ALK: variants seen among roughly 807,000 people sequenced by gnomAD.
ALK encodes ALK tyrosine kinase receptor.
ALK carries 74 observed loss-of-function variants against 163.1 expected under a neutral mutation model. The observed-to-expected ratio is 0.45, with a 90% CI of 0.38 to 0.55. The LOEUF is 0.55. Ranked by LOEUF, ALK falls within the 20% of genes least tolerant of loss-of-function variation. ALK has a pLI of 0.00. For synonymous variants in ALK, 960 were observed against 843.2 expected (o/e 1.14, Z -2.40); for missense variants, 2,063 against 2,105.3 (o/e 0.98, Z 0.39).
intron 5 of ALK, among the ~76,000 whole-genome samples, chr2:29,367,037 C>A (rs1668524944): frequency 6.6e-6 from 1 of 151,800 alleles, no homozygotes; most frequent in Admixed American, 6.6e-5. Flanking sequence ...CTGGGCTGAG[C>A]TTGGGCCGTC....
Position 29,677,722 on chromosome 2 carries a change from G to C in ALK, c.952+17128C>G, listed in dbSNP as rs1248396571. ...AATTTTTGCACCCATCTTTTATGAG[G>C]GATATCGATCAGGGGTTTTCTTTCC... is the stretch of plus-strand genomic sequence containing the variant. On this transcript the variant is annotated intron_variant, in intron 3 of 28. Transcript: ENST00000389048. 2.0e-5 allele frequency among the ~76,000 whole-genome samples: 3 copies of C among 151,974 alleles called. No individual in the cohort carries two copies. The East Asian group carries it at 5.8e-4, about 29-fold the overall frequency.
intron 3 of ALK, among the ~76,000 whole-genome samples, chr2:29,550,081 A>T (rs1029047655): frequency 3.0e-4 from 46 of 152,310 alleles, no homozygotes; most frequent in African/African-American, 1.1e-3. Flanking sequence ...TGCTGTTCTT[A>T]TCTTTAACAA....
chr2:29,521,650 AAGG>A (rs1672815099), intron 4 of ALK, among the ~76,000 whole-genome samples: 1 of 152,210 alleles, frequency 6.6e-6, no homozygotes. Flanking sequence ...AATGAGAAAG[AAGG>A]AGGTTTGCTT....
intron 1 of ALK, among the ~76,000 whole-genome samples, chr2:29,869,293 C>A (rs938821587): frequency 6.6e-6 from 1 of 152,162 alleles, no homozygotes; most frequent in Non-Finnish European, 1.5e-5. Flanking sequence ...TAAAATTTAC[C>A]TTGATTTGCA....
At chr2:29,594,903 G>A (rs1375012736) in intron 3 of ALK, among the ~76,000 whole-genome samples, 1 of 101,472 alleles carries the variant, frequency 9.9e-6, no homozygotes, top group East Asian at 3.5e-4. Context: ...ATGGGGGGTG[G>A]GGGGCGGGGG....
At chr2:29,306,977 A>C (rs1285131278) in intron 8 of ALK, among the ~76,000 whole-genome samples, 1 of 152,214 alleles carries the variant, frequency 6.6e-6, no homozygotes, top group Non-Finnish European at 1.5e-5. Flanking sequence ...AGACTTTCCA[A>C]TTATGTGGTA....
intron 3 of ALK, among the ~76,000 whole-genome samples, chr2:29,693,682 C>T (rs2541169): frequency 0.64 from 96,723 of 152,106 alleles, 35,038 homozygotes; most frequent in Non-Finnish European, 0.8. Flanking sequence ...AAGACCTGAC[C>T]TGTTAGGCTC....
chr2:29,732,286 A>T (rs1320082449), intron 1 of ALK, among the ~76,000 whole-genome samples: 1 of 152,198 alleles, frequency 6.6e-6, no homozygotes, highest in Non-Finnish European at 1.5e-5. Context: ...TGCCACTACC[A>T]AGCAACTGCT....
chr2:29,762,778 T>C (rs1680744717), intron 1 of ALK, among the ~76,000 whole-genome samples: 1 of 152,172 alleles, frequency 6.6e-6, no homozygotes, highest in Non-Finnish European at 1.5e-5. Context: ...CAAGCATCTA[T>C]GGCAGGGCCT....
chr2:29,809,204 T>C (rs1288703166), intron 1 of ALK, among the ~76,000 whole-genome samples: 1 of 152,236 alleles, frequency 6.6e-6, no homozygotes, highest in Non-Finnish European at 1.5e-5. Flanking sequence ...CACAAGTACA[T>C]TTCCATTTTA....
At chr2:29,423,811 C>T (rs1573341474) in intron 4 of ALK, among the ~76,000 whole-genome samples, 1 of 152,200 alleles carries the variant, frequency 6.6e-6, no homozygotes, top group South Asian at 2.1e-4. Flanking sequence ...AACACATTCT[C>T]ATATGTTTGC....
In ALK at chr2:29,624,705, T is replaced by C. The variant is rs1017737116; in HGVS notation, c.952+70145A>G. The stretch of plus-strand genomic sequence containing the variant: ...AACCACCATGGCACACATTTACCTA[T>C]GTAATAAACCTGCACGTACTGCGCA... On this transcript the variant is annotated intron_variant, in intron 3 of 28. Coordinates refer to ENST00000389048, the MANE Select transcript of ALK (RefSeq NM_004304.5). Among the ~76,000 whole-genome samples, 7 of 152,198 alleles carry C rather than the reference T, an allele frequency of 4.6e-5. No individual in the cohort carries two copies. In the South Asian group the frequency reaches 1.0e-3, roughly 23 times the overall value.
chr2:29,754,074 C>A (rs1360550140), intron 1 of ALK, among the ~76,000 whole-genome samples: 4 of 152,068 alleles, frequency 2.6e-5, no homozygotes, highest in African/African-American at 9.7e-5. Flanking sequence ...ATTGGCTGGC[C>A]CCAAGCCACA....
intron 4 of ALK, among the ~76,000 whole-genome samples, chr2:29,479,128 G>A (rs753518896): frequency 2.0e-5 from 3 of 152,148 alleles, no homozygotes; most frequent in Non-Finnish European, 2.9e-5. Context: ...GTTAGAGAGA[G>A]CTCTAGAGCC....
intron 1 of ALK, among the ~76,000 whole-genome samples, chr2:29,727,124 G>A (rs531339905): frequency 6.6e-6 from 1 of 152,316 alleles, no homozygotes; most frequent in African/African-American, 2.4e-5. Context: ...CTTCCATCAG[G>A]GCAGCTGGCT....
At chr2:29,354,767 C>CTT (rs763001304) in intron 5 of ALK, among the ~76,000 whole-genome samples, 8,817 of 138,376 alleles carry the variant, frequency 0.064, 432 homozygotes, top group Non-Finnish European at 0.11. Context: ...TTTTCTTTTT[C>CTT]TTTTTTTTTT....
chr2:29,752,348 CTTTTTTTTTTT>C (rs34424748), intron 1 of ALK, among the ~76,000 whole-genome samples: 2 of 120,984 alleles, frequency 1.7e-5, no homozygotes, highest in Admixed American at 8.1e-5. Flanking sequence ...ATTTTCTTTT[CTTTTTTTTTTT>C]TTTTTTTTGA....
intron 1 of ALK, among the ~76,000 whole-genome samples, chr2:29,879,836 T>C (rs185551038): frequency 2.0e-5 from 3 of 152,240 alleles, no homozygotes; most frequent in Non-Finnish European, 4.4e-5. Context: ...GTAGGTTTCC[T>C]GTAAATCTGA....
chr2:29,200,994 T>A (rs1050133301), intron 26 of ALK, among the ~76,000 whole-genome samples: 1 of 151,674 alleles, frequency 6.6e-6, no homozygotes, highest in African/African-American at 2.4e-5. Flanking sequence ...ATGAAGATAA[T>A]CTGATAAAAG....
Sources: gnomAD v4.1 joint callset for allele counts (sites outside exome capture counted in the v4.1 genomes callset) on GRCh38, gnomAD v4.1.1 for gene constraint, MANE v1.5 for transcripts, NCBI Gene and HGNC (gene_info 2026-07-23, HGNC 2026-07-21) for gene names.